Variants in SPAG17 observed in about 807,000 individuals in gnomAD.
The protein encoded by SPAG17 is sperm associated antigen 17.
In SPAG17, 169 loss-of-function variants were observed where a neutral mutation model predicts 273.6. The observed-to-expected ratio is 0.62, with a 90% CI of 0.55 to 0.70. The LOEUF (loss-of-function observed/expected upper bound fraction) is 0.70. Among genes scored for constraint, SPAG17 ranks in the 30% least tolerant of loss-of-function variants. The pLI, the probability that SPAG17 is intolerant of heterozygous loss-of-function variation, is 0.00. For synonymous variants in SPAG17, 825 were observed against 873.2 expected (o/e 0.94, Z 0.97); for missense variants, 2,557 against 2,627.8 (o/e 0.97, Z 0.59).
chr1:118,038,386 T>C lies in SPAG17; in HGVS notation c.3319+906A>G, dbSNP rs144420045. On this transcript the variant is annotated intron_variant, in intron 23 of 48. Transcript: ENST00000336338. ...GTGGATTCTTCCAACATGAACATACTCTTACCCTATAATCCAAAAGTCACA... is the reference window on the plus strand; with the variant it reads ...GTGGATTCTTCCAACATGAACATACCCTTACCCTATAATCCAAAAGTCACA... Among the ~76,000 whole-genome samples, 147 of 152,252 alleles carry C rather than the reference T, an allele frequency of 9.7e-4. 2 individuals are homozygous for C. The highest frequency in any genetic ancestry group is 3.5e-3 in the African/African-American group (144 of 41,560).
In SPAG17 at chr1:118,041,865, C is replaced by T. The variant is rs1420887554; in HGVS notation, c.2992G>A (p.Val998Ile). 2 of 1,613,766 alleles carry T rather than the reference C, an allele frequency of 1.2e-6. No individual in the cohort carries two copies. Among genetic ancestry groups the T allele is most frequent in the Non-Finnish European group, 1.7e-6 (2 of 1,179,866 alleles). ...TCTTCTGTTACTTCTTGGATCTTGA[C>T]TTGTTCTTCTTTAGATTTCTCCTTG... ...PYKEKSKEEQ[V>I]KIQEVTEESP... Residue 998 changes from valine to isoleucine, a missense_variant, in exon 21 of 49, where the codon GTC becomes ATC. Val to Ile is a conservative substitution (Grantham distance 29, BLOSUM62 3). Coordinates refer to ENST00000336338, the MANE Select transcript of SPAG17 (RefSeq NM_206996.4).
chr1:117,994,662 C>T (rs1657465182), intron 34 of SPAG17, 132 bp from the exon 35 acceptor site: 1 of 885,590 alleles, frequency 1.1e-6, no homozygotes, highest in East Asian at 2.9e-5. Flanking sequence ...GACACAATGA[C>T]TATACTTAGG....
chr1:118,132,267 A>G (rs12033511), intron 3 of SPAG17, among the ~76,000 whole-genome samples: 10,875 of 152,028 alleles, frequency 0.072, 553 homozygotes, highest in East Asian at 0.26. Flanking sequence ...ACGAGAGGAG[A>G]GCAGTGACCC....
chr1:117,993,659 T>A (rs1396859806), intron 35 of SPAG17, among the ~76,000 whole-genome samples: 8 of 152,210 alleles, frequency 5.3e-5, no homozygotes, highest in African/African-American at 1.9e-4. Context: ...AGGTTTAGTG[T>A]AGGACAGCAA....
chr1:118,115,511 A>T (rs1657021678), intron 3 of SPAG17, 70 bp from the exon 4 acceptor site: 1 of 1,434,136 alleles, frequency 7.0e-7, no homozygotes, highest in South Asian at 1.4e-5. Flanking sequence ...CAGTGATGAA[A>T]AGATGAAAGG....
rs767757371 is a variant in SPAG17 at position 118,101,743 on chromosome 1, T to G, written c.631A>C (p.Ile211Leu). 9.9e-6 allele frequency: 16 copies of G among 1,611,998 alleles called. No homozygotes were observed. Among genetic ancestry groups the G allele is most frequent in the Non-Finnish European group, 1.3e-5 (15 of 1,179,570 alleles). ...CCGGCAGCAGCACCTTACTGACCAA[T>G]GTAACGATTGGTGTGGTCGTCTTCT... ...RGEDDHTNRY[I>L]DDEPDDGAQH... The change falls in exon 5 of 49, where the codon ATT (isoleucine) becomes CTT (leucine). Residue 211 changes from isoleucine to leucine, a missense_variant. Physicochemically the swap from Ile to Leu is conservative, Grantham distance 5. Transcript: ENST00000336338.
intron 1 of SPAG17, among the ~76,000 whole-genome samples, chr1:118,181,285 C>T (rs1408315548): frequency 2.0e-5 from 3 of 151,556 alleles, no homozygotes; most frequent in Admixed American, 6.6e-5. Context: ...CTTTTCATAC[C>T]AGTAATTACT....
chr1:118,015,898 CT>C, intron 29 of SPAG17, 66 bp downstream of exon 29: 2 of 1,387,646 alleles, frequency 1.4e-6, no homozygotes, highest in South Asian at 2.4e-5. Context: ...GCTAGGCACT[CT>C]TTTGGGTGTT....
At chr1:118,084,524 T>C (rs1654838369) in intron 13 of SPAG17, among the ~76,000 whole-genome samples, 1 of 152,204 alleles carries the variant, frequency 6.6e-6, no homozygotes, top group Admixed American at 6.5e-5. Flanking sequence ...TGAACTCAGA[T>C]GAGACGTGAT....
chr1:118,161,110 A>G (rs1659889057), intron 1 of SPAG17, among the ~76,000 whole-genome samples: 1 of 152,244 alleles, frequency 6.6e-6, no homozygotes, highest in Non-Finnish European at 1.5e-5. Flanking sequence ...GGATACACAA[A>G]ATGACTAAGA....
chr1:118,037,718 T>C (rs1649252036), intron 23 of SPAG17, among the ~76,000 whole-genome samples: 1 of 152,222 alleles, frequency 6.6e-6, no homozygotes, highest in Non-Finnish European at 1.5e-5. Flanking sequence ...AGTGTGTATG[T>C]ACCACATTTT....
intron 6 of SPAG17, 86 bp from the exon 7 acceptor site, chr1:118,097,937 G>T: frequency 1.2e-6 from 1 of 860,628 alleles, no homozygotes. Flanking sequence ...CATATGCATT[G>T]CAAGATATCT....
intron 28 of SPAG17, among the ~76,000 whole-genome samples, chr1:118,019,934 AC>A (rs1445098764): frequency 5.3e-5 from 8 of 152,218 alleles, no homozygotes; most frequent in Non-Finnish European, 1.0e-4. Context: ...ATGGACTGAA[AC>A]CCCTAAAGAC....
At chr1:118,100,890 G>T (rs1656023298) in intron 5 of SPAG17, among the ~76,000 whole-genome samples, 1 of 152,076 alleles carries the variant, frequency 6.6e-6, no homozygotes, top group African/African-American at 2.4e-5. Flanking sequence ...GGGGAGTTGG[G>T]GTAGGAAACT....
At chr1:118,160,171 C>A (rs1048962492) in intron 1 of SPAG17, among the ~76,000 whole-genome samples, 3 of 152,146 alleles carry the variant, frequency 2.0e-5, no homozygotes, top group African/African-American at 7.2e-5. Flanking sequence ...TTTTCATCAT[C>A]ATATATTAAA....
chr1:118,091,853 T>C, intron 9 of SPAG17, 77 bp downstream of exon 9: 1 of 1,471,758 alleles, frequency 6.8e-7, no homozygotes, highest in Non-Finnish European at 9.5e-7. Flanking sequence ...AGGCTGAAAG[T>C]AATATGGAGG....
chr1:118,075,467 T>A (rs1007628831), intron 15 of SPAG17, among the ~76,000 whole-genome samples: 1 of 152,242 alleles, frequency 6.6e-6, no homozygotes, highest in Non-Finnish European at 1.5e-5. Flanking sequence ...TCAACGAACA[T>A]CTCACTATGA....
intron 28 of SPAG17, among the ~76,000 whole-genome samples, chr1:118,018,892 C>T (rs889211964): frequency 6.6e-5 from 10 of 151,482 alleles, no homozygotes; most frequent in African/African-American, 1.7e-4. Flanking sequence ...ATATAATAAA[C>T]GGACTAAAAC....
At chr1:118,065,896 C>A (rs1454745452) in intron 18 of SPAG17, among the ~76,000 whole-genome samples, 1 of 151,914 alleles carries the variant, frequency 6.6e-6, no homozygotes. Context: ...ACAAGGATTT[C>A]TCCTCAAAAT....
Sources: allele counts gnomAD v4.1 joint callset (sites outside exome capture counted in the v4.1 genomes callset), GRCh38; gene constraint gnomAD v4.1.1; transcripts MANE v1.5; gene names NCBI Gene and HGNC (gene_info 2026-07-23, HGNC 2026-07-21).